MTMR12: variants seen among roughly 807,000 people sequenced by gnomAD.
MTMR12 encodes the protein myotubularin related protein 12, also known as myotubularin-related protein 12.
A neutral mutation model predicts 96.7 loss-of-function variants in MTMR12; 33 were observed. The observed-to-expected ratio is 0.34, with a 90% confidence interval of 0.26 to 0.46. The LOEUF is 0.46. Ranked by LOEUF, MTMR12 falls within the 20% of genes least tolerant of loss-of-function variation. MTMR12 has a pLI of 1.00. For synonymous variants in MTMR12, 298 were observed against 327.2 expected, an observed-to-expected ratio of 0.91 and a Z score of 0.96; for missense variants, 721 against 896.1, an observed-to-expected ratio of 0.80 and a Z score of 2.49.
intron 1 of MTMR12, among the ~76,000 whole-genome samples, chr5:32,303,833 C>T (rs939614351): frequency 2.1e-5 from 3 of 141,922 alleles, no homozygotes; most frequent in Non-Finnish European, 4.5e-5. Context: ...AACTCACTGC[C>T]CTCTTTGCCA....
At chr5:32,255,408 G>C (rs944310444) in intron 8 of MTMR12, among the ~76,000 whole-genome samples, 1 of 152,170 alleles carries the variant, frequency 6.6e-6, no homozygotes, top group Non-Finnish European at 1.5e-5. Context: ...GGTTCAAAAT[G>C]ACTTAGTGTT....
At chr5:32,255,852 T>C (rs1749114332) in intron 7 of MTMR12, 84 bp from the exon 8 acceptor site, 2 of 1,210,084 alleles carry the variant, frequency 1.7e-6, no homozygotes, top group African/African-American at 1.5e-5. Context: ...ATACGATGAA[T>C]ACAAGCAGAG....
chr5:32,308,882 C>T (rs1328014488), intron 1 of MTMR12, among the ~76,000 whole-genome samples: 1 of 152,210 alleles, frequency 6.6e-6, no homozygotes, highest in Non-Finnish European at 1.5e-5. Context: ...GGATTACAGG[C>T]GTGAGCCACC....
intron 9 of MTMR12, among the ~76,000 whole-genome samples, chr5:32,248,561 G>A (rs531574423): frequency 6.6e-6 from 1 of 152,186 alleles, no homozygotes; most frequent in Non-Finnish European, 1.5e-5. Flanking sequence ...AGACTTTAGC[G>A]TGCACCTCTA....
chr5:32,292,496 C>T (rs1750773006), intron 1 of MTMR12, among the ~76,000 whole-genome samples: 1 of 152,172 alleles, frequency 6.6e-6, no homozygotes, highest in Admixed American at 6.5e-5. Context: ...TTGGGCCCCT[C>T]CTACCTTTAA....
Position 32,229,869 on chromosome 5 carries a change from G to A in MTMR12, c.2153C>T (p.Pro718Leu), listed in dbSNP as rs1486678506. ...FALLQRHSSK[P>L]VLPTSGWKAL... is the part of the protein sequence containing the mutation. ...TTTCCAGCCACTGGTGGGTAAGACG[G>A]GCTTAGAGGAATGTCGCTGGAGCAG... Residue 718 changes from proline to leucine, a missense_variant, in exon 16 of 16, where the codon CCC (proline) becomes CTC (leucine). Physicochemically the swap from Pro to Leu is moderately conservative, Grantham distance 98 (BLOSUM62 -3). Coordinates refer to ENST00000382142, the MANE Select transcript of MTMR12 (RefSeq NM_001040446.3). The A allele has an allele frequency of 6.2e-7, 1 of 1,611,040 alleles. No individual in the cohort carries two copies. The highest frequency in any genetic ancestry group is 8.5e-7 in the Non-Finnish European group (1 of 1,178,552).
At position 32,274,107 on chromosome 5, in the gene MTMR12, C is replaced by T. The variant is rs769777948; in HGVS notation, c.158G>A (p.Cys53Tyr). ...ATACTTCAGTACTGTGCTGGCTTCACAAAGCAGCTGTTCACCTGGTAGAAA... is the reference window on the plus strand; with the variant it reads ...ATACTTCAGTACTGTGCTGGCTTCATAAAGCAGCTGTTCACCTGGTAGAAA... ...LHLLPGEQLL[C>Y]EASTVLKYVQ... is the part of the protein sequence containing the mutation. Residue 53 changes from cysteine to tyrosine, a missense_variant, in exon 3 of 16, where the codon TGT (cysteine) becomes TAT (tyrosine). Coordinates refer to ENST00000382142, the MANE Select transcript of MTMR12 (RefSeq NM_001040446.3). 5.0e-6 allele frequency: 8 copies of T among 1,614,154 alleles called. No homozygotes were observed. Among genetic ancestry groups the T allele is most frequent in the Non-Finnish European group, 6.8e-6 (8 of 1,180,020 alleles).
chr5:32,249,007 T>G, intron 8 of MTMR12, 129 bp from the exon 9 acceptor site: 4 of 693,996 alleles, frequency 5.8e-6, no homozygotes, highest in Non-Finnish European at 1.0e-5. Flanking sequence ...ATACTTAACT[T>G]TATTAAGCCT....
Position 32,270,810 on chromosome 5 carries a change from T to C in MTMR12, c.489+7A>G, listed in dbSNP as rs745806981. 1.9e-6 allele frequency: 3 copies of C among 1,601,624 alleles called. No homozygotes were observed. Among genetic ancestry groups the C allele is most frequent in the Admixed American group, 3.5e-5 (2 of 56,586 alleles). ...AATAAAACCTAAAAACACATGCAACTAGTTACCCTTTTGACTTCCTCTTCC... is the reference window on the plus strand; with the variant it reads ...AATAAAACCTAAAAACACATGCAACCAGTTACCCTTTTGACTTCCTCTTCC... On this transcript the variant is annotated splice_region_variant and intron_variant, in intron 5 of 15. Transcript: ENST00000382142.
At chr5:32,253,453 G>A (rs969432065) in intron 8 of MTMR12, among the ~76,000 whole-genome samples, 1 of 152,166 alleles carries the variant, frequency 6.6e-6, no homozygotes, top group Admixed American at 6.5e-5. Flanking sequence ...TAAAAGAAAA[G>A]AGAGGGAGAA....
intron 5 of MTMR12, 76 bp downstream of exon 5, chr5:32,270,741 C>T: frequency 6.7e-7 from 1 of 1,485,254 alleles, no homozygotes; most frequent in Non-Finnish European, 9.1e-7. Flanking sequence ...AACCTTCATG[C>T]AACGTAAGCA....
intron 8 of MTMR12, among the ~76,000 whole-genome samples, chr5:32,255,052 G>C (rs943729704): frequency 1.3e-5 from 2 of 152,038 alleles, no homozygotes; most frequent in Non-Finnish European, 2.9e-5. Context: ...TGGGCTTCTG[G>C]GCACGTGACC....
chr5:32,246,856 T>C (rs2112017449), intron 10 of MTMR12, among the ~76,000 whole-genome samples: 1 of 152,326 alleles, frequency 6.6e-6, no homozygotes, highest in African/African-American at 2.4e-5. Flanking sequence ...TTACCCTTCT[T>C]AGCTCCTCAA....
chr5:32,230,831 T>C (rs1389160557), intron 15 of MTMR12, among the ~76,000 whole-genome samples: 1 of 152,248 alleles, frequency 6.6e-6, no homozygotes. Flanking sequence ...CACTGCTAAC[T>C]ACCAGAAGAT....
intron 1 of MTMR12, among the ~76,000 whole-genome samples, chr5:32,283,219 T>C (rs780215271): frequency 5.3e-5 from 8 of 152,232 alleles, no homozygotes; most frequent in African/African-American, 9.6e-5. Context: ...TCTTTCTTAG[T>C]GGCATTACAA....
In MTMR12 at chr5:32,236,913, G is replaced by A. The variant is rs1248900219; in HGVS notation, c.1345-1784C>T. ...TCTCCACAAAGTATCAGCTCTCTCT[G>A]CCTCCCATGTTATGTAAATGCCATC... On this transcript the variant is annotated intron_variant, in intron 13 of 15. Coordinates refer to ENST00000382142, the MANE Select transcript of MTMR12 (RefSeq NM_001040446.3). 2.0e-5 allele frequency among the ~76,000 whole-genome samples: 3 copies of A among 151,956 alleles called. No homozygotes were observed. In the East Asian group the frequency reaches 5.8e-4, roughly 29 times the overall value.
At chr5:32,253,887 G>A (rs1749043394) in intron 8 of MTMR12, among the ~76,000 whole-genome samples, 3 of 152,336 alleles carry the variant, frequency 2.0e-5, no homozygotes, top group Admixed American at 6.5e-5. Flanking sequence ...GTCTCCCAAC[G>A]TGCTGGGATT....
intron 1 of MTMR12, among the ~76,000 whole-genome samples, chr5:32,294,796 C>T (rs1409631928): frequency 6.6e-6 from 1 of 152,158 alleles, no homozygotes; most frequent in African/African-American, 2.4e-5. Flanking sequence ...TACATAGAGA[C>T]AATAATTCTT....
chr5:32,258,126 CA>C (rs36090657), intron 7 of MTMR12, among the ~76,000 whole-genome samples: 61 of 137,304 alleles, frequency 4.4e-4, no homozygotes, highest in Admixed American at 6.6e-4. Context: ...GACCCTGTCT[CA>C]AAAAAAAAAA....
Sources: gnomAD v4.1 joint callset for allele counts (sites outside exome capture counted in the v4.1 genomes callset) on GRCh38, gnomAD v4.1.1 for gene constraint, MANE v1.5 for transcripts, NCBI Gene and HGNC (gene_info 2026-07-23, HGNC 2026-07-21) for gene names.